SRMS: variants seen among roughly 807,000 people sequenced by gnomAD.
The protein encoded by SRMS is src-related kinase lacking C-terminal regulatory tyrosine and N-terminal myristylation sites, also known as tyrosine-protein kinase Srms.
Under a neutral mutation model 43.5 loss-of-function variants are expected in SRMS, and 42 were observed. The observed-to-expected ratio is 0.97, with a 90% CI of 0.75 to 1.25. The LOEUF (loss-of-function observed/expected upper bound fraction) is 1.25. Ranked by LOEUF, SRMS falls within the 50% of genes most tolerant of loss-of-function variation. The pLI is 0.00. For missense variants in SRMS, 703 were observed against 681.0 expected (o/e 1.03, Z -0.36); for synonymous variants, 316 against 308.2 (o/e 1.03, Z -0.27).
chr20:63,541,722 C>G lies in SRMS; in HGVS notation c.947-102G>C, dbSNP rs13039128. ...CCCCCATGCCTCAGCCTCCTCATCT[C>G]TAAGACGTGGCGAGGATGGCATGGC... On this transcript the variant is annotated intron_variant, in intron 5 of 7. Coordinates refer to ENST00000217188, the MANE Select transcript of SRMS (RefSeq NM_080823.4). The G allele has an allele frequency of 3.0e-6, 4 of 1,353,940 alleles. No homozygotes were observed. The African/African-American group carries it at 4.4e-5, about 15-fold the overall frequency. 83.9% of individuals were successfully genotyped at this position (1,353,940 alleles called of 1,614,324 possible).
At chr20:63,545,673 T>C (rs1344978283) in intron 1 of SRMS, among the ~76,000 whole-genome samples, 2 of 151,920 alleles carry the variant, frequency 1.3e-5, no homozygotes, top group Admixed American at 6.6e-5. Context: ...TTGAAGGGAA[T>C]GAAGATGGAG....
intron 1 of SRMS, 103 bp from the exon 2 acceptor site, chr20:63,544,451 G>C (rs113238013): frequency 2.2e-6 from 3 of 1,339,270 alleles, no homozygotes; most frequent in Non-Finnish European, 2.9e-6. Context: ...CTGTCCCACC[G>C]CCTCAGGGAG....
Position 63,538,822 on chromosome 20 carries a change from G to T in SRMS, c.*1996C>A, listed in dbSNP as rs988405490. Among the ~76,000 whole-genome samples the T allele has an allele frequency of 6.6e-6, 1 of 152,134 alleles. No individual in the cohort carries two copies. Among genetic ancestry groups the T allele is most frequent in the African/African-American group, 2.4e-5 (1 of 41,422 alleles). Reference sequence around the variant, plus strand: ...GGGCCCGTGAGTCTATGTCCAGGAAGCCTCGAGTATCCCTGAGTTCGGACG... The same window carrying T: ...GGGCCCGTGAGTCTATGTCCAGGAATCCTCGAGTATCCCTGAGTTCGGACG... On this transcript the variant is annotated 3_prime_UTR_variant, in exon 8 of 8. Coordinates refer to ENST00000217188, the MANE Select transcript of SRMS (RefSeq NM_080823.4).
Position 63,540,383 on chromosome 20 carries a change from C to A in SRMS, c.*435G>T, listed in dbSNP as rs1055806444. Among the ~76,000 whole-genome samples, 2 of 152,214 alleles carry A rather than the reference C, an allele frequency of 1.3e-5. No individual in the cohort carries two copies. The highest frequency in any genetic ancestry group is 1.9e-4 in the East Asian group (1 of 5,204). On this transcript the variant is annotated 3_prime_UTR_variant, in exon 8 of 8. Transcript: ENST00000217188. Reference sequence around the variant, plus strand: ...TGGGAGGGAGTCCAGGGGACCCAGGCAGGAGACACACAGGGCTCAGGGTTC... The same window carrying A: ...TGGGAGGGAGTCCAGGGGACCCAGGAAGGAGACACACAGGGCTCAGGGTTC...
In SRMS at chr20:63,543,625, G is replaced by A. The variant is rs113556634; in HGVS notation, c.479-145C>T. 5,870 of 1,017,588 alleles carry A rather than the reference G, an allele frequency of 5.8e-3. 41 individuals carry two copies. The highest frequency in any genetic ancestry group is 7.5e-3 in the Non-Finnish European group (5,329 of 713,654). 63.0% of individuals were successfully genotyped at this position (1,017,588 alleles called of 1,614,324 possible). On this transcript the variant is annotated intron_variant, in intron 2 of 7. Transcript: ENST00000217188. ...CTGAGATGGTCAGAGCTGTGTGGAGGAGGGAGTGTGGGCAGCCACAGGCTG... is the reference window on the plus strand; with the variant it reads ...CTGAGATGGTCAGAGCTGTGTGGAGAAGGGAGTGTGGGCAGCCACAGGCTG...
At position 63,540,020 on chromosome 20, in the gene SRMS, G is replaced by A. The variant is rs2082694021; in HGVS notation, c.*798C>T. ...CATGATGTCCTGGGCTGGGGGTCCGGGCGGCATGGGGGCCGCTCCAACCTG... is the reference window on the plus strand; with the variant it reads ...CATGATGTCCTGGGCTGGGGGTCCGAGCGGCATGGGGGCCGCTCCAACCTG... On this transcript the variant is annotated 3_prime_UTR_variant, in exon 8 of 8. Coordinates refer to ENST00000217188, the MANE Select transcript of SRMS (RefSeq NM_080823.4). Among the ~76,000 whole-genome samples, 6 of 152,232 alleles carry A rather than the reference G, an allele frequency of 3.9e-5. No homozygotes were observed. Among genetic ancestry groups the A allele is most frequent in the African/African-American group, 7.2e-5 (3 of 41,456 alleles).
At position 63,543,465 on chromosome 20, in the gene SRMS, T is replaced by C; in HGVS notation, c.494A>G (p.Lys165Arg). The C allele has an allele frequency of 1.2e-6, 2 of 1,612,720 alleles. No individual in the cohort carries two copies. Among genetic ancestry groups the C allele is most frequent in the Non-Finnish European group, 1.7e-6 (2 of 1,179,896 alleles). Residue 165 changes from lysine (K) to arginine (R), a missense_variant, in exon 3 of 8, where the codon AAG (lysine) becomes AGG (arginine). Transcript: ENST00000217188. ...CATGGAGACCCGGTAGTGGCAGACC[T>C]TGGCCTGGGCCCGGACTAGGAAGGG... ...GYSLSVRAQA[K>R]VCHYRVSMAA...
intron 2 of SRMS, among the ~76,000 whole-genome samples, chr20:63,544,014 A>ATGAGTGACTGAATGAATGAGTGGG: frequency 6.6e-6 from 1 of 152,222 alleles, no homozygotes; most frequent in Non-Finnish European, 1.5e-5. Flanking sequence ...GAACAAGTGA[A>ATGAGTGACTGAATGAATGAGTGGG]TGAGTGACTG....
intron 5 of SRMS, 146 bp from the exon 6 acceptor site, chr20:63,541,766 GCC>G: frequency 9.3e-7 from 1 of 1,080,660 alleles, no homozygotes; most frequent in Non-Finnish European, 1.3e-6. Context: ...GCCACGGGAA[GCC>G]CCAAGTGAGA....
chr20:63,543,478 G>A lies in SRMS; in HGVS notation c.481C>T (p.Arg161Trp), dbSNP rs116061089. 1.2e-3 allele frequency: 2,004 copies of A among 1,612,562 alleles called. 27 individuals carry two copies. The African/African-American group carries it at 0.024, about 19-fold the overall frequency. Reference protein sequence around the residue: ...SSLGGYSLSVRAQAKVCHYRV... With the variant: ...SSLGGYSLSVWAQAKVCHYRV... ...TAGTGGCAGACCTTGGCCTGGGCCC[G>A]GACTAGGAAGGGTTCAGAGATGGAG... Residue 161 changes from arginine (R) to tryptophan (W), a missense_variant and splice_region_variant, in exon 3 of 8, where the codon CGG becomes TGG. Physicochemically the swap from Arg to Trp is moderately radical, Grantham distance 101. Coordinates refer to ENST00000217188, the MANE Select transcript of SRMS (RefSeq NM_080823.4).
chr20:63,542,139 C>T lies in SRMS; in HGVS notation c.946+24G>A, dbSNP rs752393988. The T allele has an allele frequency of 8.4e-5, 134 of 1,594,870 alleles. No individual in the cohort carries two copies. In the East Asian group the frequency reaches 1.4e-3, roughly 16 times the overall value. ...GGCGGTCGCAGGCGCGTCAGGGCCA[C>T]GTGGCAGCAGGGAGGGGACTCACTG... On this transcript the variant is annotated intron_variant, in intron 5 of 7. Coordinates refer to ENST00000217188, the MANE Select transcript of SRMS (RefSeq NM_080823.4).
Position 63,547,197 on chromosome 20 carries a change from G to T in SRMS, c.267C>A (p.Phe89Leu). Reference protein sequence around the residue: ...CALEEGGGYIFARRLSGQPSA... With the variant: ...CALEEGGGYILARRLSGQPSA... ...TGGGCTGGCCCGAAAGCCTGCGTGC[G>T]AAGATGTAGCCGCCCCCCTCTTCGA... Residue 89 changes from phenylalanine (F) to leucine (L), a missense_variant, in exon 1 of 8, where the codon TTC becomes TTA. Transcript: ENST00000217188. 1 of 1,612,270 alleles carries T rather than the reference G, an allele frequency of 6.2e-7. No individual in the cohort carries two copies. Among genetic ancestry groups the T allele is most frequent in the Non-Finnish European group, 8.5e-7 (1 of 1,179,732 alleles).
At position 63,539,811 on chromosome 20, in the gene SRMS, T is replaced by C. The variant is rs946731835; in HGVS notation, c.*1007A>G. On this transcript the variant is annotated 3_prime_UTR_variant, in exon 8 of 8. Coordinates refer to ENST00000217188, the MANE Select transcript of SRMS (RefSeq NM_080823.4). ...GCCCCCAACCGACCCTGCCTGACCC[T>C]GCACAGGCAGAAGACTCCAAATCCC... 2.6e-5 allele frequency among the ~76,000 whole-genome samples: 4 copies of C among 151,752 alleles called. No individual in the cohort carries two copies. Among genetic ancestry groups the C allele is most frequent in the Non-Finnish European group, 5.9e-5 (4 of 67,916 alleles).
intron 3 of SRMS, 139 bp downstream of exon 3, chr20:63,543,175 G>A (rs964775708): frequency 1.1e-5 from 11 of 1,045,676 alleles, no homozygotes; most frequent in African/African-American, 3.2e-5. Context: ...GGGATGCTCC[G>A]ATGCTCCCAG....
At chr20:63,543,728 T>C (rs778876621) in intron 2 of SRMS, 35 of 501,636 alleles carry the variant, frequency 7.0e-5, no homozygotes, top group Non-Finnish European at 1.0e-4. Context: ...AATAAATACT[T>C]GTAGAATGAA....
chr20:63,542,392 G>C (rs949637839), intron 4 of SRMS, 48 bp downstream of exon 4: 1 of 1,597,962 alleles, frequency 6.3e-7, no homozygotes, highest in African/African-American at 1.3e-5. Context: ...TTGAGGGTTG[G>C]ACAGCAGGTG....
intron 2 of SRMS, 145 bp downstream of exon 2, chr20:63,544,081 CA>C: frequency 1.1e-6 from 1 of 949,800 alleles, no homozygotes; most frequent in Non-Finnish European, 1.4e-6. Flanking sequence ...TTAGCAAGTG[CA>C]GGAGGTGACC....
chr20:63,542,100 G>T (rs577283413), intron 5 of SRMS, 63 bp downstream of exon 5: 1 of 1,562,140 alleles, frequency 6.4e-7, no homozygotes, highest in Non-Finnish European at 8.7e-7. Context: ...TCAGCTCTGC[G>T]CCAGGAGGGA....
At position 63,542,536 on chromosome 20, in the gene SRMS, C is replaced by T. The variant is rs373704274; in HGVS notation, c.691G>A (p.Ala231Thr). The T allele has an allele frequency of 3.0e-5, 49 of 1,612,414 alleles. No homozygotes were observed. The highest frequency in any genetic ancestry group is 1.6e-4 in the African/African-American group (12 of 74,928). ...DVWERPHSEFALGRKLGEGYF... is the reference protein window; with the variant it reads ...DVWERPHSEFTLGRKLGEGYF... ...CCTTCACCCAGCTTCCTCCCAAGGG[C>T]GAATTCGGAGTGTGGCCGCTCCCAC... The change falls in exon 4 of 8, where the codon GCC becomes ACC. Residue 231 changes from alanine (A) to threonine (T), a missense_variant. Transcript: ENST00000217188.
Sources: gnomAD v4.1 joint callset for allele counts (sites outside exome capture counted in the v4.1 genomes callset) on GRCh38, gnomAD v4.1.1 for gene constraint, MANE v1.5 for transcripts, NCBI Gene and HGNC (gene_info 2026-07-23, HGNC 2026-07-21) for gene names.